ASAP3: variants seen among roughly 807,000 people sequenced by gnomAD.
ASAP3 encodes the protein ArfGAP with SH3 domain, ankyrin repeat and PH domain 3, also known as arf-GAP with SH3 domain, ANK repeat and PH domain-containing protein 3.
In ASAP3, 85 loss-of-function variants were observed where a neutral mutation model predicts 118.2. That is an observed-to-expected ratio of 0.72 (90% confidence interval 0.60 to 0.86). The LOEUF (loss-of-function observed/expected upper bound fraction) is 0.86, where lower values mean the gene tolerates loss of function less well. ASAP3 is among the 40% of genes least tolerant of loss of function. The pLI is 0.00. For missense variants in ASAP3, 1,026 were observed against 1,175.0 expected, an observed-to-expected ratio of 0.87 and a Z score of 1.85; for synonymous variants, 432 against 477.4, an observed-to-expected ratio of 0.90 and a Z score of 1.24.
intron 1 of ASAP3, among the ~76,000 whole-genome samples, chr1:23,472,233 T>C (rs917071912): frequency 6.6e-6 from 1 of 152,224 alleles, no homozygotes; most frequent in African/African-American, 2.4e-5. Flanking sequence ...TTTTATGTTA[T>C]GTGAATTTTA....
chr1:23,433,130 A>T lies in ASAP3; in HGVS notation c.2270T>A (p.Val757Asp). ...GACCAAAGTCCGAGAAGAGTTTTTG[A>T]CTGGCAAGGGCGGGGGACAGTCCTC... ...ESEDCPPPLPVKNSSRTLVQG... is the reference protein window; with the variant it reads ...ESEDCPPPLPDKNSSRTLVQG... The change falls in exon 22 of 25, where the codon GTC (valine) becomes GAC (aspartate). Residue 757 changes from valine to aspartate, a missense_variant. Val to Asp is a radical substitution (Grantham distance 152, BLOSUM62 -3). Transcript: ENST00000336689. 1 of 1,614,006 alleles carries T rather than the reference A, an allele frequency of 6.2e-7. No individual in the cohort carries two copies. Among genetic ancestry groups the T allele is most frequent in the East Asian group, 2.2e-5 (1 of 44,880 alleles).
At chr1:23,466,849 T>A (rs1174675964) in intron 1 of ASAP3, among the ~76,000 whole-genome samples, 1 of 152,224 alleles carries the variant, frequency 6.6e-6, no homozygotes, top group African/African-American at 2.4e-5. Flanking sequence ...TGTCATCCCA[T>A]GACCATTACA....
intron 3 of ASAP3, among the ~76,000 whole-genome samples, 177 bp downstream of exon 3, chr1:23,455,704 G>A (rs922710714): frequency 6.6e-6 from 1 of 152,226 alleles, no homozygotes; most frequent in African/African-American, 2.4e-5. Flanking sequence ...AGAAGCCAGA[G>A]AGAAAGGAGG....
rs1298330152 is a variant in ASAP3 at position 23,456,205 on chromosome 1, A to G, written c.130-11T>C. 6.2e-7 allele frequency: 1 copy of G among 1,613,536 alleles called. No homozygotes were observed. Among genetic ancestry groups the G allele is most frequent in the East Asian group, 2.2e-5 (1 of 44,868 alleles). ...GTCTCCTTCCAAGATCTGGAAGCAA[A>G]TGTGGACAGAGGTTCAGGGATGCCA... On this transcript the variant is annotated splice_polypyrimidine_tract_variant and intron_variant, in intron 1 of 24. Transcript: ENST00000336689.
Position 23,432,007 on chromosome 1 carries a change from T to TA in ASAP3, c.2324-90_2324-89insT, listed in dbSNP as rs1558102890. 4 of 711,310 alleles carry TA rather than the reference T, an allele frequency of 5.6e-6. No individual in the cohort carries two copies. In the Admixed American group the frequency reaches 1.5e-4, roughly 26 times the overall value. 44.1% of individuals were successfully genotyped at this position (711,310 alleles called of 1,614,324 possible). On this transcript the variant is annotated intron_variant, in intron 22 of 24. Transcript: ENST00000336689. ...AAAGCAGTCTCTGGCCTCTAGGATT[T>TA]TTTTTTTTTTTTTTTTTGAGACAGA...
In ASAP3 at chr1:23,437,572, T is replaced by C; in HGVS notation, c.1103-100A>G. On this transcript the variant is annotated intron_variant, in intron 12 of 24. Transcript: ENST00000336689. The surrounding 1 kb of genome is among the most constrained non-coding windows in gnomAD (Gnocchi z 6.1). ...AAGCCGCTGGGGCCACATGGAGATG[T>C]GTCCCTGACAAGTCGGACTCTCAAG... 7.0e-7 allele frequency: 1 copy of C among 1,436,250 alleles called. No individual in the cohort carries two copies. Among genetic ancestry groups the C allele is most frequent in the South Asian group, 1.2e-5 (1 of 80,268 alleles). The allele number at this position is 1,436,250 out of a possible 1,614,324, so 89.0% of individuals were successfully genotyped here.
chr1:23,456,253 C>T (rs1641382488), intron 1 of ASAP3, 59 bp from the exon 2 acceptor site: 2 of 1,517,302 alleles, frequency 1.3e-6, no homozygotes. Context: ...GTGCTTCCTT[C>T]AGGAACGCTG....
intron 22 of ASAP3, 66 bp from the exon 23 acceptor site, chr1:23,431,984 A>C (rs914181888): frequency 2.2e-6 from 3 of 1,367,400 alleles, no homozygotes; most frequent in Admixed American, 2.0e-5. Context: ...CCAACCTCAA[A>C]GCAGTCTCTG....
chr1:23,481,974 T>C (rs896874076), intron 1 of ASAP3, among the ~76,000 whole-genome samples: 18 of 152,130 alleles, frequency 1.2e-4, no homozygotes, highest in African/African-American at 3.4e-4. Context: ...GACAGCAGTG[T>C]TTCCCTGTGA....
Position 23,437,542 on chromosome 1 carries a change from C to T in ASAP3, c.1103-70G>A. The T allele has an allele frequency of 6.3e-7, 1 of 1,589,316 alleles. No individual in the cohort carries two copies. Among genetic ancestry groups the T allele is most frequent in the Non-Finnish European group, 8.6e-7 (1 of 1,163,758 alleles). On this transcript the variant is annotated intron_variant, in intron 12 of 24. Coordinates refer to ENST00000336689, the MANE Select transcript of ASAP3 (RefSeq NM_017707.4). This position sits in a 1 kb window ranked among gnomAD's most constrained non-coding sequence, Gnocchi z 6.1. ...GCCTTCCCGGAGCCCAGGGAGCCCC[C>T]ACCAAAGCCGCTGGGGCCACATGGA...
intron 1 of ASAP3, among the ~76,000 whole-genome samples, chr1:23,483,611 G>C (rs558776880): frequency 1.1e-3 from 164 of 152,258 alleles, no homozygotes; most frequent in Non-Finnish European, 6.9e-4. Context: ...GAAAGTTCAG[G>C]ACTGAGGCGG....
intron 22 of ASAP3, 118 bp downstream of exon 22, chr1:23,432,959 C>T (rs1384742777): frequency 4.3e-6 from 5 of 1,160,464 alleles, no homozygotes; most frequent in Non-Finnish European, 6.1e-6. Flanking sequence ...AGAACCCCTT[C>T]CTGGGAGGTC....
intron 1 of ASAP3, among the ~76,000 whole-genome samples, chr1:23,472,250 T>C (rs1297957889): frequency 6.6e-6 from 1 of 152,228 alleles, no homozygotes; most frequent in South Asian, 2.1e-4. Flanking sequence ...TTTACCTGAA[T>C]GAGAGGAAAT....
At chr1:23,442,991 T>G (rs575206183) in intron 5 of ASAP3, among the ~76,000 whole-genome samples, 1 of 152,286 alleles carries the variant, frequency 6.6e-6, no homozygotes, top group Admixed American at 6.5e-5. Flanking sequence ...AGAGGGCTGG[T>G]GCCAGCTAAG....
intron 5 of ASAP3, among the ~76,000 whole-genome samples, chr1:23,445,541 C>T (rs752494934): frequency 3.3e-5 from 5 of 151,596 alleles, no homozygotes; most frequent in South Asian, 4.2e-4. Context: ...GGTGGGCTGG[C>T]GTAGGGGAAG....
intron 5 of ASAP3, among the ~76,000 whole-genome samples, chr1:23,443,624 A>G (rs905999496): frequency 6.6e-6 from 1 of 150,560 alleles, no homozygotes; most frequent in Admixed American, 6.6e-5. Context: ...TCCACCTCCC[A>G]GGTTCAAGCC....
At chr1:23,441,992 T>C (rs1012550338) in intron 7 of ASAP3, among the ~76,000 whole-genome samples, 194 bp downstream of exon 7, 4 of 152,084 alleles carry the variant, frequency 2.6e-5, no homozygotes, top group African/African-American at 7.2e-5. Context: ...CCCAGAAGTG[T>C]TGGGGAATTG....
At chr1:23,471,152 G>A (rs559296734) in intron 1 of ASAP3, among the ~76,000 whole-genome samples, 1 of 152,268 alleles carries the variant, frequency 6.6e-6, no homozygotes, top group African/African-American at 2.4e-5. Flanking sequence ...CATCCCTATT[G>A]AACTCTTGGC....
At chr1:23,482,884 G>A (rs1372977174) in intron 1 of ASAP3, among the ~76,000 whole-genome samples, 1 of 151,822 alleles carries the variant, frequency 6.6e-6, no homozygotes, top group African/African-American at 2.4e-5. Flanking sequence ...CCTGGGAGGC[G>A]GAGTTTGCAT....
Sources: gnomAD v4.1 joint callset for allele counts (sites outside exome capture counted in the v4.1 genomes callset) on GRCh38, gnomAD v4.1.1 for gene constraint, Gnocchi (gnomAD v3.1) non-coding constraint, MANE v1.5 for transcripts, NCBI Gene and HGNC (gene_info 2026-07-23, HGNC 2026-07-21) for gene names.